SLC2A14: variants seen among roughly 807,000 people sequenced by gnomAD.
SLC2A14 encodes the protein solute carrier family 2, facilitated glucose transporter member 14.
In SLC2A14, 13 loss-of-function variants were observed where a neutral mutation model predicts 43.0. The ratio of observed to expected loss-of-function variants is 0.30; its 90% CI spans 0.20 to 0.48. The LOEUF is 0.48. Among genes scored for constraint, SLC2A14 ranks in the 20% least tolerant of loss-of-function variants. The pLI, the probability that SLC2A14 is intolerant of heterozygous loss-of-function variation, is 0.99. For synonymous variants in SLC2A14, 190 were observed against 233.8 expected, an observed-to-expected ratio of 0.81 and a Z score of 1.71; for missense variants, 428 against 620.4, an observed-to-expected ratio of 0.69 and a Z score of 3.29.
intron 1 of SLC2A14, among the ~76,000 whole-genome samples, chr12:7,882,336 A>G (rs1945596991): frequency 6.6e-6 from 1 of 151,986 alleles, no homozygotes; most frequent in Non-Finnish European, 1.5e-5. Context: ...ACCAGAAGGA[A>G]AAAAGTCCAA....
chr12:7,874,777 A>G (rs1194816984), upstream of SLC2A14, among the ~76,000 whole-genome samples: 2 of 18,444 alleles, frequency 1.1e-4, no homozygotes, highest in Non-Finnish European at 1.9e-4. Context: ...ATAAACATAT[A>G]TAAATATATA....
At chr12:7,823,120 T>C (rs746941985) in intron 7 of SLC2A14, among the ~76,000 whole-genome samples, 1 of 152,280 alleles carries the variant, frequency 6.6e-6, no homozygotes, top group African/African-American at 2.4e-5. Context: ...CAGTGGTTCA[T>C]TCCTGTAATC....
At chr12:7,833,489 G>A (rs898749746) in intron 2 of SLC2A14, among the ~76,000 whole-genome samples, 8 of 152,206 alleles carry the variant, frequency 5.3e-5, no homozygotes, top group African/African-American at 9.7e-5. Context: ...ATTTCTGGCC[G>A]GGCACGGTGG....
At chr12:7,841,455 T>C (rs1455409602) in intron 2 of SLC2A14, among the ~76,000 whole-genome samples, 1 of 152,030 alleles carries the variant, frequency 6.6e-6, no homozygotes, top group Non-Finnish European at 1.5e-5. Context: ...GAGACGGGGT[T>C]TTGCCATGTT....
At chr12:7,852,135 C>T (rs905587592) in intron 2 of SLC2A14, among the ~76,000 whole-genome samples, 30 of 152,160 alleles carry the variant, frequency 2.0e-4, no homozygotes, top group African/African-American at 6.7e-4. Flanking sequence ...AGAAGAAAAA[C>T]AGGATTACTT....
chr12:7,874,731 A>C (rs1565584326), upstream of SLC2A14, among the ~76,000 whole-genome samples: 5 of 31,518 alleles, frequency 1.6e-4, no homozygotes, highest in Non-Finnish European at 3.9e-4. Flanking sequence ...TATATAAAAA[A>C]TATATAAAAA....
rs748381233 is a variant in SLC2A14, at chr12:7,832,797, G to A, written c.36C>T (p.Ile12=). 3.1e-6 allele frequency: 5 copies of A among 1,614,192 alleles called. No homozygotes were observed. In the South Asian group the frequency reaches 3.3e-5, roughly 11 times the overall value. ...DNRQNVTPAL[I]FAITVATIGS... ...CGATTGTAGCAACTGTGATGGCAAAGATCAGAGCTGGGGTGACCTGGAGAG... is the reference window on the plus strand; with the variant it reads ...CGATTGTAGCAACTGTGATGGCAAAAATCAGAGCTGGGGTGACCTGGAGAG... Residue 12 remains isoleucine (I), a synonymous_variant, in exon 3 of 11, where the codon ATC becomes ATT. Coordinates refer to ENST00000431042, the MANE Select transcript of SLC2A14 (RefSeq NM_001286234.2).
At chr12:7,843,008 G>A (rs1425101210) in intron 2 of SLC2A14, among the ~76,000 whole-genome samples, 3 of 152,084 alleles carry the variant, frequency 2.0e-5, no homozygotes, top group Non-Finnish European at 2.9e-5. Flanking sequence ...GATTACAGGT[G>A]TGAGCCACCG....
intron 7 of SLC2A14, among the ~76,000 whole-genome samples, chr12:7,825,128 G>A (rs919135177): frequency 2.6e-5 from 4 of 152,036 alleles, no homozygotes; most frequent in East Asian, 1.9e-4. Flanking sequence ...AGCAAAATCT[G>A]CTCATTGACT....
intron 5 of SLC2A14, 113 bp downstream of exon 5, chr12:7,829,653 A>G (rs763780246): frequency 7.0e-7 from 1 of 1,431,874 alleles, no homozygotes; most frequent in Non-Finnish European, 9.4e-7. Flanking sequence ...ATTATCTAAA[A>G]CTTCCATATG....
chr12:7,847,451 A>G (rs1866562628), intron 2 of SLC2A14, among the ~76,000 whole-genome samples: 2 of 152,198 alleles, frequency 1.3e-5, no homozygotes, highest in African/African-American at 4.8e-5. Context: ...AGAATAGTTC[A>G]TCTGAATCAC....
At position 7,832,885 on chromosome 12, in the gene SLC2A14, T is replaced by C. The variant is rs772742212; in HGVS notation, c.19-71A>G. The C allele has an allele frequency of 5.5e-6, 8 of 1,467,390 alleles. No individual in the cohort carries two copies. The East Asian group carries it at 1.1e-4, about 21-fold the overall frequency. The allele number at this position is 1,467,390 out of a possible 1,614,324, so 90.9% of individuals were successfully genotyped here. A position where few individuals can be genotyped will look rare whatever the true frequency, so the allele number is the denominator to read the frequency against. ...GTAATTGATGACTGTTTCTTATTAA[T>C]TATGGAGCTGTATTAGGAGAATCTG... On this transcript the variant is annotated intron_variant, in intron 2 of 10. Transcript: ENST00000431042.
intron 1 of SLC2A14, among the ~76,000 whole-genome samples, chr12:7,879,032 A>G (rs1945518074): frequency 6.7e-6 from 1 of 149,152 alleles, no homozygotes; most frequent in African/African-American, 2.5e-5. Context: ...TTTTTCCTCA[A>G]CCTTACTCTA....
At chr12:7,837,454 A>C (rs1381063968) in intron 2 of SLC2A14, among the ~76,000 whole-genome samples, 1 of 152,092 alleles carries the variant, frequency 6.6e-6, no homozygotes, top group East Asian at 1.9e-4. Flanking sequence ...AGCCTGACCA[A>C]CATGGAGAAA....
At position 7,813,818 on chromosome 12, in the gene SLC2A14, T is replaced by C. The variant is rs191070404; in HGVS notation, c.*498A>G. On this transcript the variant is annotated 3_prime_UTR_variant, in exon 11 of 11. Transcript: ENST00000431042. Reference sequence around the variant, plus strand: ...ATTACACTTAAAAAATAAATATTTATGTAATTAAACCAGAGGATAAGATAA... The same window carrying C: ...ATTACACTTAAAAAATAAATATTTACGTAATTAAACCAGAGGATAAGATAA... 1.1e-3 allele frequency: 179 copies of C among 156,612 alleles called. No homozygotes were observed. The highest frequency in any genetic ancestry group is 2.1e-3 in the Non-Finnish European group (146 of 70,202). The allele number at this position is 156,612 out of a possible 1,614,324, so 9.7% of individuals were successfully genotyped here. A position where few individuals can be genotyped will look rare whatever the true frequency, so the allele number is the denominator to read the frequency against.
chr12:7,883,069 C>T (rs1381480977), intron 1 of SLC2A14, among the ~76,000 whole-genome samples: 5 of 151,578 alleles, frequency 3.3e-5, no homozygotes, highest in African/African-American at 9.7e-5. Context: ...ATTAGCTGGA[C>T]ATGGTGGTGG....
In SLC2A14 at chr12:7,869,933, G is replaced by A. The variant is rs1042927975; in HGVS notation, c.-53C>T. On this transcript the variant is annotated 5_prime_UTR_variant, in exon 2 of 11. Coordinates refer to ENST00000431042, the MANE Select transcript of SLC2A14 (RefSeq NM_001286234.2). ...CTCTCCAATTTCTCTTCAAGGTACT[G>A]CTTCCTGTAAATTGTAATTGTCTAG... The A allele has an allele frequency of 5.3e-6, 8 of 1,520,810 alleles. No individual in the cohort carries two copies. The African/African-American group carries it at 6.9e-5, about 13-fold the overall frequency. The allele number at this position is 1,520,810 out of a possible 1,614,324, so 94.2% of individuals were successfully genotyped here. A position where few individuals can be genotyped will look rare whatever the true frequency, so the allele number is the denominator to read the frequency against.
intron 2 of SLC2A14, among the ~76,000 whole-genome samples, chr12:7,867,525 AG>A (rs1565574334): frequency 6.6e-6 from 1 of 152,036 alleles, no homozygotes; most frequent in South Asian, 2.1e-4. Flanking sequence ...TGAATGGATG[AG>A]GAGGTGCTGC....
At chr12:7,879,202 G>C (rs1945521213) in intron 1 of SLC2A14, among the ~76,000 whole-genome samples, 1 of 151,266 alleles carries the variant, frequency 6.6e-6, no homozygotes, top group South Asian at 2.1e-4. Context: ...TACTTTTCTT[G>C]GAGTGAATAA....
Sources: allele counts gnomAD v4.1 joint callset (sites outside exome capture counted in the v4.1 genomes callset), GRCh38; gene constraint gnomAD v4.1.1; transcripts MANE v1.5; gene names NCBI Gene and HGNC (gene_info 2026-07-23, HGNC 2026-07-21).